The following GALNT13 variants were observed in gnomAD, a reference collection of about 807,000 sequenced individuals.
The protein encoded by GALNT13 is UDP-GalNAc:polypeptide N-acetylgalactosaminyltransferase 13.
GALNT13 carries 28 observed loss-of-function variants against 64.2 expected under a neutral mutation model. The ratio of observed to expected loss-of-function variants is 0.44; its 90% CI spans 0.32 to 0.60. The LOEUF is 0.60. GALNT13 is among the 20% of genes least tolerant of loss of function. The probability of loss-of-function intolerance (pLI) is 0.05; values close to 1 mark genes in which losing one functional copy is unlikely to be tolerated. For synonymous variants in GALNT13, 214 were observed against 224.6 expected (o/e 0.95, Z 0.42); for missense variants, 577 against 669.8 (o/e 0.86, Z 1.53).
intron 9 of GALNT13, among the ~76,000 whole-genome samples, chr2:154,337,094 G>C (rs1026881686): frequency 6.6e-6 from 1 of 152,064 alleles, no homozygotes; most frequent in African/African-American, 2.4e-5. Context: ...GCAGTTTCTG[G>C]TAAAGTGCCA....
chr2:153,208,973 C>CTTTTTTTTTTTTTTTTT, the GALNT13 span, among the ~76,000 whole-genome samples: 5 of 74,682 alleles, frequency 6.7e-5, 1 homozygote, highest in Non-Finnish European at 9.4e-5. Flanking sequence ...TGGTTTTGGT[C>CTTTTTTTTTTTTTTTTT]TTTTTTTTTT....
At chr2:154,368,870 G>C (rs1697521176) in intron 9 of GALNT13, among the ~76,000 whole-genome samples, 1 of 152,032 alleles carries the variant, frequency 6.6e-6, no homozygotes, top group Non-Finnish European at 1.5e-5. Flanking sequence ...GATCCTGCTG[G>C]GGTACCATTC....
intron 4 of GALNT13, among the ~76,000 whole-genome samples, chr2:154,155,359 T>C (rs1033068900): frequency 5.3e-5 from 8 of 152,098 alleles, no homozygotes; most frequent in Non-Finnish European, 2.9e-5. Flanking sequence ...AGCAAAGATT[T>C]GTTTTAGTAA....
At chr2:153,122,184 G>A in the GALNT13 span, among the ~76,000 whole-genome samples, 21 of 151,886 alleles carry the variant, frequency 1.4e-4, no homozygotes, top group Non-Finnish European at 2.8e-4. Context: ...TCTAGAATGA[G>A]GTATAAACTT....
chr2:153,460,438 G>A, the GALNT13 span, among the ~76,000 whole-genome samples: 3 of 151,910 alleles, frequency 2.0e-5, no homozygotes, highest in South Asian at 2.1e-4. Context: ...ATTTACCCAC[G>A]ATTAGACCTT....
At chr2:153,433,968 A>G in the GALNT13 span, among the ~76,000 whole-genome samples, 6 of 151,980 alleles carry the variant, frequency 3.9e-5, no homozygotes, top group Non-Finnish European at 5.9e-5. Flanking sequence ...TCCTAATGCT[A>G]TCCCTCCCTG....
chr2:153,096,810 A>C, the GALNT13 span, among the ~76,000 whole-genome samples: 44,676 of 151,938 alleles, frequency 0.29, 7,146 homozygotes, highest in Non-Finnish European at 0.38. Context: ...TGTTTATTTT[A>C]TCCTTTTAGC....
intron 4 of GALNT13, among the ~76,000 whole-genome samples, chr2:154,155,894 A>C (rs1384197979): frequency 3.9e-5 from 6 of 151,966 alleles, no homozygotes. Context: ...GAGCATATTA[A>C]TGGTTATACT....
the GALNT13 span, among the ~76,000 whole-genome samples, chr2:153,304,216 G>T: frequency 7.0e-6 from 1 of 142,892 alleles, no homozygotes; most frequent in African/African-American, 2.6e-5. Context: ...TTTACCAAGG[G>T]TCAATAGAAT....
intron 12 of GALNT13, chr2:154,445,678 A>G: frequency 2.5e-6 from 1 of 400,108 alleles, no homozygotes; most frequent in East Asian, 8.1e-5. Flanking sequence ...TTTACTGTGG[A>G]AGATAAATCC....
Position 154,393,299 on chromosome 2 carries a change from G to T in GALNT13, c.1157-2692G>T, listed in dbSNP as rs80099052. On this transcript the variant is annotated intron_variant, in intron 9 of 12. Transcript: ENST00000392825. ...TCCATCTTGTAGCTGCACCCACTGG[G>T]ATACAAGTCCTCCTCAGTCCCTGTG... Among the ~76,000 whole-genome samples the T allele has an allele frequency of 1.7e-3, 258 of 152,260 alleles. 7 individuals carry two copies. In the East Asian group the frequency reaches 0.039, roughly 23 times the overall value.
chr2:154,382,886 G>A (rs932176702), intron 9 of GALNT13, among the ~76,000 whole-genome samples: 1 of 151,734 alleles, frequency 6.6e-6, no homozygotes, highest in Non-Finnish European at 1.5e-5. Flanking sequence ...TTACTGTGTG[G>A]CATTTGTGTC....
chr2:154,294,993 G>T (rs1031224686), intron 8 of GALNT13, among the ~76,000 whole-genome samples: 2 of 152,126 alleles, frequency 1.3e-5, no homozygotes, highest in South Asian at 4.1e-4. Flanking sequence ...ACATATTTTG[G>T]AGTATTATGT....
the GALNT13 span, among the ~76,000 whole-genome samples, chr2:153,313,023 T>C: frequency 6.6e-6 from 1 of 152,164 alleles, no homozygotes; most frequent in South Asian, 2.1e-4. Context: ...ATGGCTGTTA[T>C]TAAAATGTCA....
At chr2:154,050,365 C>T (rs1699528684) in intron 3 of GALNT13, among the ~76,000 whole-genome samples, 1 of 152,258 alleles carries the variant, frequency 6.6e-6, no homozygotes, top group Non-Finnish European at 1.5e-5. Context: ...CCTCTGACCC[C>T]AGACCCTGTG....
intron 3 of GALNT13, among the ~76,000 whole-genome samples, chr2:154,059,156 A>G (rs1404951951): frequency 2.6e-5 from 4 of 152,264 alleles, no homozygotes; most frequent in African/African-American, 9.6e-5. Context: ...GGTTACCGCA[A>G]ACTGAATGAA....
intron 2 of GALNT13, among the ~76,000 whole-genome samples, chr2:153,907,387 C>G (rs189659819): frequency 9.4e-4 from 142 of 151,756 alleles, no homozygotes; most frequent in African/African-American, 3.2e-3. Flanking sequence ...ATAATACATA[C>G]ATATTATATA....
At chr2:153,645,790 C>A in the GALNT13 span, among the ~76,000 whole-genome samples, 3 of 152,004 alleles carry the variant, frequency 2.0e-5, no homozygotes, top group African/African-American at 4.8e-5. Context: ...TTTTACATTC[C>A]TTTTTCCTGT....
chr2:153,408,787 T>A, the GALNT13 span, among the ~76,000 whole-genome samples: 1 of 152,128 alleles, frequency 6.6e-6, no homozygotes, highest in African/African-American at 2.4e-5. Context: ...TTAACTTTAT[T>A]GGGTTGAAGG....
Sources: gnomAD v4.1 joint callset for allele counts (sites outside exome capture counted in the v4.1 genomes callset) on GRCh38, gnomAD v4.1.1 for gene constraint, MANE v1.5 for transcripts, NCBI Gene and HGNC (gene_info 2026-07-23, HGNC 2026-07-21) for gene names.